CCM2: variants seen among roughly 807,000 people sequenced by gnomAD.
CCM2 encodes the protein cerebral cavernous malformations 2 protein.
In CCM2, 25 loss-of-function variants were observed where a neutral mutation model predicts 44.9. The observed-to-expected ratio is 0.56, with a 90% CI of 0.41 to 0.78. The LOEUF is 0.78. Among genes scored for constraint, CCM2 ranks in the 30% least tolerant of loss-of-function variants. The pLI is 0.00. For missense variants in CCM2, 481 were observed against 580.6 expected, an observed-to-expected ratio of 0.83 and a Z score of 1.76; for synonymous variants, 219 against 241.1, an observed-to-expected ratio of 0.91 and a Z score of 0.85.
chr7:45,063,626 A>G (rs1178248188), intron 2 of CCM2, among the ~76,000 whole-genome samples: 1 of 152,214 alleles, frequency 6.6e-6, no homozygotes, highest in East Asian at 1.9e-4. Flanking sequence ...AGATTCTACC[A>G]AAACTAGTAG....
At chr7:45,020,018 C>T (rs746245683) in intron 1 of CCM2, among the ~76,000 whole-genome samples, 4 of 152,132 alleles carry the variant, frequency 2.6e-5, no homozygotes, top group Non-Finnish European at 5.9e-5. Context: ...TAGTGGGTTC[C>T]TCCTTTCCTA....
intron 1 of CCM2, among the ~76,000 whole-genome samples, chr7:45,037,233 G>C (rs954226570): frequency 7.3e-5 from 11 of 150,640 alleles, no homozygotes; most frequent in Admixed American, 2.7e-4. Flanking sequence ...TGAAGTGTCA[G>C]GTCTTTTCCT....
chr7:45,011,777 C>G (rs1796076233), intron 1 of CCM2, among the ~76,000 whole-genome samples: 1 of 152,198 alleles, frequency 6.6e-6, no homozygotes, highest in African/African-American at 2.4e-5. Context: ...ATCTCAAATT[C>G]TTGATCTCAA....
intron 1 of CCM2, among the ~76,000 whole-genome samples, chr7:45,028,371 C>T (rs752732200): frequency 2.6e-5 from 4 of 152,216 alleles, no homozygotes; most frequent in Admixed American, 6.5e-5. Context: ...GAAATTCGCT[C>T]TGTCAGCCGG....
At chr7:45,035,418 G>A (rs1284813354) in intron 1 of CCM2, among the ~76,000 whole-genome samples, 1 of 152,084 alleles carries the variant, frequency 6.6e-6, no homozygotes, top group African/African-American at 2.4e-5. Context: ...CCCTACCACC[G>A]GATGTACTGA....
At chr7:45,000,197 G>C (rs1795525359), upstream of CCM2, 1 of 347,342 alleles carries the variant, frequency 2.9e-6, no homozygotes, top group Non-Finnish European at 4.1e-6. Context: ...GGCGCGGCCG[G>C]GGCGGAGACT....
chr7:45,063,851 T>G, intron 2 of CCM2, 67 bp from the exon 3 acceptor site: 1 of 1,060,940 alleles, frequency 9.4e-7, no homozygotes, highest in Non-Finnish European at 1.5e-6. Context: ...GTGCTCTCGG[T>G]GGTAGTGATG....
At chr7:45,014,187 C>T (rs192354116) in intron 1 of CCM2, among the ~76,000 whole-genome samples, 120 of 152,004 alleles carry the variant, frequency 7.9e-4, no homozygotes, top group African/African-American at 2.6e-3. Context: ...TTGCCCAGGC[C>T]GGAGTGCAGT....
intron 6 of CCM2, chr7:45,071,899 C>T (rs763019367): frequency 4.4e-6 from 2 of 456,112 alleles, no homozygotes; most frequent in African/African-American, 2.0e-5. Flanking sequence ...CCTTTACTCC[C>T]CTTTGAAATT....
intron 4 of CCM2, among the ~76,000 whole-genome samples, chr7:45,066,263 T>A (rs750163174): frequency 2.0e-5 from 3 of 152,174 alleles, no homozygotes; most frequent in Non-Finnish European, 2.9e-5. Flanking sequence ...CAGTTGTGTG[T>A]CCCCTGTGTT....
At position 45,000,294 on chromosome 7, in the gene CCM2, GGGGCGGGCC is replaced by G. The variant is rs1180788830; in HGVS notation, c.-29_-21del. 2.0e-5 allele frequency: 24 copies of G among 1,226,234 alleles called. No individual in the cohort carries two copies. The highest frequency in any genetic ancestry group is 3.8e-5 in the South Asian group (1 of 26,286). The allele number at this position is 1,226,234 out of a possible 1,614,324, so 76.0% of individuals were successfully genotyped here. On this transcript the variant is annotated 5_prime_UTR_variant, in exon 1 of 10. Transcript: ENST00000258781. ...AGCGGCTGCTGGCGGCGGGGCTCCC[GGGGCGGGCC>G]GGGCGGGCCGCGGGAGCCGCACGCG... is the stretch of plus-strand genomic sequence containing the variant.
At position 45,072,709 on chromosome 7, in the gene CCM2, C is replaced by T. The variant is rs376964561; in HGVS notation, c.746-17C>T. ...TGTCCCTGAAAGTCATCTTAGTTTT[C>T]TGCATCTTCCTTACAGATGACTCTT... On this transcript the variant is annotated splice_polypyrimidine_tract_variant and intron_variant, in intron 6 of 9. Transcript: ENST00000258781. 11 of 1,605,492 alleles carry T rather than the reference C, an allele frequency of 6.9e-6. No homozygotes were observed. The African/African-American group carries it at 1.3e-4, about 20-fold the overall frequency.
intron 2 of CCM2, among the ~76,000 whole-genome samples, chr7:45,051,312 G>A (rs62458145): frequency 6.6e-6 from 1 of 152,062 alleles, no homozygotes; most frequent in Non-Finnish European, 1.5e-5. Context: ...AAAGAAGAGG[G>A]GGCATCCTTT....
At chr7:45,031,832 A>G (rs560436772) in intron 1 of CCM2, among the ~76,000 whole-genome samples, 5 of 152,174 alleles carry the variant, frequency 3.3e-5, no homozygotes, top group Admixed American at 6.5e-5. Flanking sequence ...TTGGCCTCCC[A>G]AAGTGTTGGG....
In CCM2 at chr7:45,076,166, G is replaced by A. The variant is rs777673453; in HGVS notation, c.*109G>A. On this transcript the variant is annotated 3_prime_UTR_variant, in exon 10 of 10. Coordinates refer to ENST00000258781, the MANE Select transcript of CCM2 (RefSeq NM_031443.4). ...AGCCCTTGGTGGTGGCCAGGGAGAG[G>A]CGCCCGGTGCAGATGGCCCCGGGCG... 9.2e-6 allele frequency: 14 copies of A among 1,514,998 alleles called. No homozygotes were observed. In the South Asian group the frequency reaches 1.6e-4, roughly 18 times the overall value. The allele number at this position is 1,514,998 out of a possible 1,614,324, so 93.8% of individuals were successfully genotyped here.
intron 2 of CCM2, among the ~76,000 whole-genome samples, chr7:45,054,906 A>G (rs944412732): frequency 1.3e-5 from 2 of 152,262 alleles, no homozygotes; most frequent in African/African-American, 4.8e-5. Context: ...TCCAGGAGGC[A>G]TACATACCGT....
chr7:45,027,588 T>G, intron 1 of CCM2: 1 of 1,597,994 alleles, frequency 6.3e-7, no homozygotes, highest in East Asian at 2.2e-5. Flanking sequence ...GTAAACAGCT[T>G]CAGTGGCTTT....
rs951910506 is a variant in CCM2, at chr7:45,068,561, C to A, written c.591C>A (p.Ile197=). 6.2e-7 allele frequency: 1 copy of A among 1,613,978 alleles called. No individual in the cohort carries two copies. The highest frequency in any genetic ancestry group is 1.3e-5 in the African/African-American group (1 of 74,930). The change falls in exon 5 of 10, where the codon ATC becomes ATA. Residue 197 remains isoleucine (I), a synonymous_variant. Transcript: ENST00000258781. ...CCGTGGAGGCATGCTGCCTGGTCAT[C>A]CTGGCTGCAGAGAGCAAGGTGAGAC... ...VGPVEACCLV[I]LAAESKVAAE...
At chr7:45,074,243 C>T (rs1376012939) in intron 8 of CCM2, 27 bp from the exon 9 acceptor site, 6 of 1,613,072 alleles carry the variant, frequency 3.7e-6, no homozygotes, top group East Asian at 4.5e-5. Flanking sequence ...TGTGCCCAGC[C>T]CCCTATCTGG....
Sources: allele counts gnomAD v4.1 joint callset (sites outside exome capture counted in the v4.1 genomes callset), GRCh38; gene constraint gnomAD v4.1.1; transcripts MANE v1.5; gene names NCBI Gene and HGNC (gene_info 2026-07-23, HGNC 2026-07-21).